The following MSRA variants were observed in gnomAD, a reference collection of about 807,000 sequenced individuals.
MSRA encodes mitochondrial peptide methionine sulfoxide reductase.
MSRA carries 54 observed loss-of-function variants against 31.3 expected under a neutral mutation model. That is an observed-to-expected ratio of 1.73 (90% confidence interval 1.39 to 2.17). The LOEUF is 2.17. Among genes scored for constraint, MSRA ranks in the 30% most tolerant of loss-of-function variants. The probability of loss-of-function intolerance (pLI) is 0.00; values close to 1 mark genes in which losing one functional copy is unlikely to be tolerated. For synonymous variants in MSRA, 169 were observed against 116.5 expected, an observed-to-expected ratio of 1.45 and a Z score of -2.90; for missense variants, 507 against 300.9, an observed-to-expected ratio of 1.69 and a Z score of -5.07.
intron 3 of MSRA, among the ~76,000 whole-genome samples, chr8:10,293,894 C>T (rs1291893346): frequency 1.3e-5 from 2 of 152,146 alleles, no homozygotes; most frequent in East Asian, 3.9e-4. Context: ...TGGTTCACAA[C>T]CTTTCCTTAA....
chr8:10,119,396 C>G (rs886680043), intron 1 of MSRA, among the ~76,000 whole-genome samples: 2 of 152,156 alleles, frequency 1.3e-5, no homozygotes, highest in African/African-American at 4.8e-5. Flanking sequence ...GAGGAGGTAA[C>G]AGAGGACATG....
intron 5 of MSRA, among the ~76,000 whole-genome samples, chr8:10,386,361 C>A (rs188808065): frequency 9.1e-4 from 138 of 152,130 alleles, no homozygotes; most frequent in Middle Eastern, 6.8e-3. Flanking sequence ...TTGAAAACAC[C>A]TAAGGAATGG....
At chr8:10,068,488 A>T (rs1001297073) in intron 1 of MSRA, among the ~76,000 whole-genome samples, 1 of 152,158 alleles carries the variant, frequency 6.6e-6, no homozygotes, top group African/African-American at 2.4e-5. Context: ...ATTTTTGTGA[A>T]GGTTGTAAGG....
intron 2 of MSRA, among the ~76,000 whole-genome samples, chr8:10,235,761 C>T (rs141676403): frequency 4.3e-4 from 65 of 152,028 alleles, no homozygotes; most frequent in African/African-American, 1.3e-3. Context: ...TTTTCTAATG[C>T]GGTGTTACAT....
In MSRA at chr8:10,301,543, G is replaced by A. The variant is rs918537700; in HGVS notation, c.341G>A (p.Gly114Asp). Residue 114 changes from glycine (G) to aspartate (D), a missense_variant, in exon 4 of 6, where the codon GGC becomes GAC. Gly to Asp is a moderately conservative substitution (Grantham distance 94). Coordinates refer to ENST00000317173, the MANE Select transcript of MSRA (RefSeq NM_012331.5). ...TYKEVCSEKT[G>D]HAEVVRVVYQ... ...TTTTGTTTTTTCCAAGAAAAAACTG[G>A]CCATGCAGAAGTCGTCCGAGTGGTG... The A allele has an allele frequency of 6.2e-6, 10 of 1,612,376 alleles. No individual in the cohort carries two copies. Among genetic ancestry groups the A allele is most frequent in the African/African-American group, 4.0e-5 (3 of 74,846 alleles).
At chr8:10,067,515 G>A (rs889379268) in intron 1 of MSRA, among the ~76,000 whole-genome samples, 7 of 152,098 alleles carry the variant, frequency 4.6e-5, no homozygotes, top group African/African-American at 1.4e-4. Context: ...GTTTTTGTGT[G>A]GTCATAAGTT....
chr8:10,170,667 G>A (rs533809170), intron 1 of MSRA, among the ~76,000 whole-genome samples: 55 of 152,288 alleles, frequency 3.6e-4, no homozygotes, highest in Non-Finnish European at 7.2e-4. Context: ...TATATGGGAG[G>A]ATGTGCATAG....
intron 3 of MSRA, among the ~76,000 whole-genome samples, chr8:10,273,469 C>G (rs1172575759): frequency 6.6e-6 from 1 of 152,130 alleles, no homozygotes; most frequent in Non-Finnish European, 1.5e-5. Flanking sequence ...AAATAGTTTT[C>G]TATCCCACAA....
chr8:10,283,160 A>ACACACACACACACTCTCTCTCTCTCT, intron 3 of MSRA, among the ~76,000 whole-genome samples: 35 of 140,310 alleles, frequency 2.5e-4, no homozygotes, highest in African/African-American at 7.0e-4. Flanking sequence ...ACACACACAC[A>ACACACACACACACTCTCTCTCTCTCT]CTCTCACCCT....
intron 1 of MSRA, among the ~76,000 whole-genome samples, chr8:10,204,802 A>T (rs1563215767): frequency 6.6e-6 from 1 of 152,250 alleles, no homozygotes. Context: ...TCACTCGTTA[A>T]TTTAACAAAT....
chr8:10,316,527 C>CCGCTCT (rs1171484461), intron 4 of MSRA, among the ~76,000 whole-genome samples: 13 of 112,548 alleles, frequency 1.2e-4, no homozygotes, highest in African/African-American at 3.4e-4. Flanking sequence ...TTTGATGATC[C>CCGCTCT]CTCTCTCTCT....
chr8:10,140,690 T>A (rs1802625771), intron 1 of MSRA, among the ~76,000 whole-genome samples: 1 of 152,134 alleles, frequency 6.6e-6, no homozygotes, highest in African/African-American at 2.4e-5. Context: ...CTATCAGAAG[T>A]TACCAGTGCA....
Position 10,054,394 on chromosome 8 carries a change from C to G in MSRA, c.-123C>G. ...AGCCCCGCCAGCAGCGCCCCGCGCC[C>G]GCCCGCCCGCGCCCCTGCCGCCCCC... On this transcript the variant is annotated 5_prime_UTR_variant, in exon 1 of 6. Coordinates refer to ENST00000317173, the MANE Select transcript of MSRA (RefSeq NM_012331.5). The G allele has an allele frequency of 1.1e-5, 7 of 641,916 alleles. No individual in the cohort carries two copies. Among genetic ancestry groups the G allele is most frequent in the Admixed American group, 4.6e-5 (1 of 21,506 alleles). The allele number at this position is 641,916 out of a possible 1,614,324, so 39.8% of individuals were successfully genotyped here.
In MSRA at chr8:10,217,696, A is replaced by G. The variant is rs576534535; in HGVS notation, c.211+9795A>G. Among the ~76,000 whole-genome samples the G allele has an allele frequency of 2.6e-5, 4 of 152,236 alleles. No individual in the cohort carries two copies. In the East Asian group the frequency reaches 5.8e-4, roughly 22 times the overall value. On this transcript the variant is annotated intron_variant, in intron 2 of 5. Coordinates refer to ENST00000317173, the MANE Select transcript of MSRA (RefSeq NM_012331.5). ...ATTTAAAGCAGATCTCAGCTGCCCT[A>G]TCAACTCATCCATGAATATTTTGGT... is the stretch of plus-strand genomic sequence containing the variant.
At chr8:10,268,911 C>T (rs776329366) in intron 3 of MSRA, among the ~76,000 whole-genome samples, 4 of 152,212 alleles carry the variant, frequency 2.6e-5, no homozygotes, top group Non-Finnish European at 5.9e-5. Flanking sequence ...ATAGTGGTAA[C>T]CTTTTCCCAC....
chr8:10,337,702 T>C (rs1255866349), intron 5 of MSRA: 4 of 702,608 alleles, frequency 5.7e-6, no homozygotes, highest in Non-Finnish European at 1.0e-5. Context: ...TCCTCCTCTC[T>C]CGGCAGCTGG....
chr8:10,261,505 G>T (rs1035583205), intron 3 of MSRA, among the ~76,000 whole-genome samples: 4 of 151,974 alleles, frequency 2.6e-5, no homozygotes, highest in African/African-American at 9.7e-5. Context: ...AGACCAGGCT[G>T]GGCAAGAAAG....
intron 1 of MSRA, among the ~76,000 whole-genome samples, chr8:10,131,426 AAAG>A (rs1284360473): frequency 2.0e-5 from 3 of 152,228 alleles, no homozygotes; most frequent in Non-Finnish European, 4.4e-5. Flanking sequence ...TTCAGGAAGA[AAAG>A]AAGACTTATT....
At position 10,087,449 on chromosome 8, in the gene MSRA, G is replaced by C. The variant is rs181223077; in HGVS notation, c.142+32791G>C. ...GTGGTTGTTCAGAGAGTGCTGGAGA[G>C]AATTGTTCGAGTGAATGGATGTGTC... On this transcript the variant is annotated intron_variant, in intron 1 of 5. Coordinates refer to ENST00000317173, the MANE Select transcript of MSRA (RefSeq NM_012331.5). 2.6e-5 allele frequency among the ~76,000 whole-genome samples: 4 copies of C among 152,336 alleles called. No individual in the cohort carries two copies. In the East Asian group the frequency reaches 5.8e-4, roughly 22 times the overall value.
Sources: gnomAD v4.1 joint callset for allele counts (sites outside exome capture counted in the v4.1 genomes callset) on GRCh38, gnomAD v4.1.1 for gene constraint, MANE v1.5 for transcripts, NCBI Gene and HGNC (gene_info 2026-07-23, HGNC 2026-07-21) for gene names.